The following CAMK4 variants were observed in gnomAD, a reference collection of about 807,000 sequenced individuals.
CAMK4 encodes calcium/calmodulin dependent protein kinase IV.
Under a neutral mutation model 44.9 loss-of-function variants are expected in CAMK4, and 22 were observed. The observed-to-expected ratio is 0.49, with a 90% CI of 0.35 to 0.70. CAMK4 has a LOEUF of 0.70. CAMK4 is among the 30% of genes least tolerant of loss of function. The probability of loss-of-function intolerance (pLI) is 0.01; values close to 1 mark genes in which losing one functional copy is unlikely to be tolerated. For synonymous variants in CAMK4, 218 were observed against 215.4 expected, an observed-to-expected ratio of 1.01 and a Z score of -0.11; for missense variants, 498 against 586.8, an observed-to-expected ratio of 0.85 and a Z score of 1.56.
intron 5 of CAMK4, among the ~76,000 whole-genome samples, chr5:111,434,919 T>C (rs531324807): frequency 6.6e-6 from 1 of 152,328 alleles, no homozygotes; most frequent in South Asian, 2.1e-4. Flanking sequence ...AGATTCAAAC[T>C]TCCTCCTACC....
At chr5:111,349,386 G>A (rs1228304864) in intron 2 of CAMK4, among the ~76,000 whole-genome samples, 1 of 152,042 alleles carries the variant, frequency 6.6e-6, no homozygotes, top group Non-Finnish European at 1.5e-5. Context: ...GATATTTGAA[G>A]TAGAGTAGAA....
chr5:111,428,177 G>A (rs1207849479), intron 5 of CAMK4, among the ~76,000 whole-genome samples: 1 of 152,250 alleles, frequency 6.6e-6, no homozygotes, highest in African/African-American at 2.4e-5. Flanking sequence ...GTGTTACTGG[G>A]CTTGGGGTGC....
chr5:111,269,322 T>G (rs913824178), intron 1 of CAMK4, among the ~76,000 whole-genome samples: 1 of 152,224 alleles, frequency 6.6e-6, no homozygotes, highest in Non-Finnish European at 1.5e-5. Context: ...GTAACCTATT[T>G]TGGATACCTT....
chr5:111,363,958 G>A (rs1167158902), intron 2 of CAMK4, among the ~76,000 whole-genome samples: 2 of 152,098 alleles, frequency 1.3e-5, no homozygotes, highest in South Asian at 2.1e-4. Context: ...TAAAGGGTAA[G>A]GATCAAAGCA....
At chr5:111,228,197 A>G (rs1748289449) in intron 1 of CAMK4, among the ~76,000 whole-genome samples, 1 of 152,236 alleles carries the variant, frequency 6.6e-6, no homozygotes, top group Admixed American at 6.5e-5. Context: ...AAATCCAAGG[A>G]AACCAAACCA....
intron 1 of CAMK4, among the ~76,000 whole-genome samples, chr5:111,227,883 A>G (rs369678771): frequency 3.9e-5 from 6 of 152,316 alleles, no homozygotes; most frequent in African/African-American, 1.4e-4. Flanking sequence ...AAAAATACGA[A>G]TTGGCCATGA....
At chr5:111,281,783 G>A (rs1183429192) in intron 1 of CAMK4, among the ~76,000 whole-genome samples, 1 of 152,178 alleles carries the variant, frequency 6.6e-6, no homozygotes, top group Non-Finnish European at 1.5e-5. Flanking sequence ...AATTGGCCGG[G>A]CGCGGTGGCT....
At chr5:111,311,215 A>G (rs1748188418) in intron 1 of CAMK4, among the ~76,000 whole-genome samples, 1 of 152,102 alleles carries the variant, frequency 6.6e-6, no homozygotes, top group Non-Finnish European at 1.5e-5. Flanking sequence ...ATTAGGTCCA[A>G]AGCAAAAAGA....
chr5:111,231,790 A>G (rs1372422585), intron 1 of CAMK4, among the ~76,000 whole-genome samples: 1 of 152,242 alleles, frequency 6.6e-6, no homozygotes, highest in Non-Finnish European at 1.5e-5. Flanking sequence ...AGCAAATTGT[A>G]TATGCCATAA....
chr5:111,343,917 C>T (rs1299090567), intron 1 of CAMK4, 107 bp from the exon 2 acceptor site: 2 of 656,184 alleles, frequency 3.0e-6, no homozygotes, highest in Non-Finnish European at 5.5e-6. Context: ...TTATAATAAG[C>T]ACTTGTCAGT....
chr5:111,267,261 G>A (rs1006531858), intron 1 of CAMK4, among the ~76,000 whole-genome samples: 1 of 152,102 alleles, frequency 6.6e-6, no homozygotes, highest in African/African-American at 2.4e-5. Flanking sequence ...ATCGTAATTT[G>A]GGCCCTAGAG....
chr5:111,340,367 C>A (rs1561424145), intron 1 of CAMK4, among the ~76,000 whole-genome samples: 1 of 151,042 alleles, frequency 6.6e-6, no homozygotes, highest in African/African-American at 2.4e-5. Context: ...TCATATATGG[C>A]CTTTATTGTG....
At position 111,336,486 on chromosome 5, in the gene CAMK4, T is replaced by C. The variant is rs898491193; in HGVS notation, c.162-7538T>C. ...TTCAATTAATAATATAGGTTATTTT[T>C]TTGAGAAACTGTTGAATTGTTATTT... On this transcript the variant is annotated intron_variant, in intron 1 of 10. Transcript: ENST00000282356. 2.0e-5 allele frequency among the ~76,000 whole-genome samples: 3 copies of C among 151,214 alleles called. 1 individual carries two copies. The highest frequency in any genetic ancestry group is 2.0e-4 in the Admixed American group (3 of 15,142).
chr5:111,314,923 G>A (rs1052632343), intron 1 of CAMK4, among the ~76,000 whole-genome samples: 1 of 151,988 alleles, frequency 6.6e-6, no homozygotes, highest in Non-Finnish European at 1.5e-5. Flanking sequence ...TAATTTCTGA[G>A]ATAATGGATT....
intron 2 of CAMK4, among the ~76,000 whole-genome samples, chr5:111,350,256 A>T (rs536812282): frequency 6.6e-6 from 1 of 152,200 alleles, no homozygotes; most frequent in African/African-American, 2.4e-5. Context: ...CATTATTCTT[A>T]TTAATTGCAA....
At chr5:111,252,970 GAGAT>G (rs1226508377) in intron 1 of CAMK4, among the ~76,000 whole-genome samples, 48 of 152,342 alleles carry the variant, frequency 3.2e-4, no homozygotes, top group African/African-American at 1.0e-3. Flanking sequence ...AATGCAGAAA[GAGAT>G]AGAGGGCTCA....
At position 111,385,740 on chromosome 5, in the gene CAMK4, A is replaced by G. The variant is rs1751577580; in HGVS notation, c.386+8798A>G. 2.6e-5 allele frequency among the ~76,000 whole-genome samples: 4 copies of G among 151,946 alleles called. No homozygotes were observed. In the South Asian group the frequency reaches 8.3e-4, roughly 32 times the overall value. On this transcript the variant is annotated intron_variant, in intron 4 of 10. Transcript: ENST00000282356. ...AGGCACACGCCACCAGGTCCAGCTA[A>G]TTTTTTATATTTTCTTAGTAGAGAT...
intron 2 of CAMK4, among the ~76,000 whole-genome samples, chr5:111,345,934 T>C (rs1340161784): frequency 6.6e-6 from 1 of 151,950 alleles, no homozygotes. Context: ...GTAAGGCAGA[T>C]GTTGTCAAAC....
chr5:111,315,872 G>T (rs534513032), intron 1 of CAMK4, among the ~76,000 whole-genome samples: 16 of 152,080 alleles, frequency 1.1e-4, no homozygotes, highest in Non-Finnish European at 1.9e-4. Flanking sequence ...CAATGCCATA[G>T]CCACAATACT....
Sources: allele counts gnomAD v4.1 joint callset (sites outside exome capture counted in the v4.1 genomes callset), GRCh38; gene constraint gnomAD v4.1.1; transcripts MANE v1.5; gene names NCBI Gene and HGNC (gene_info 2026-07-23, HGNC 2026-07-21).